SMPDL3A: variants seen among roughly 807,000 people sequenced by gnomAD.
SMPDL3A encodes the protein cyclic GMP-AMP phosphodiesterase SMPDL3A.
Under a neutral mutation model 38.5 loss-of-function variants are expected in SMPDL3A, and 39 were observed. The observed-to-expected ratio is 1.01, with a 90% CI of 0.78 to 1.32. SMPDL3A has a LOEUF of 1.32. Among genes scored for constraint, SMPDL3A ranks in the 40% most tolerant of loss-of-function variants. SMPDL3A has a pLI of 0.00. For missense variants in SMPDL3A, 502 were observed against 536.2 expected (o/e 0.94, Z 0.63); for synonymous variants, 180 against 194.3 (o/e 0.93, Z 0.61).
chr6:122,793,033 G>T (rs933023346), intron 1 of SMPDL3A, among the ~76,000 whole-genome samples: 7 of 152,154 alleles, frequency 4.6e-5, no homozygotes, highest in Non-Finnish European at 8.8e-5. Context: ...TAGATCTGTT[G>T]CAGATGATGC....
chr6:122,789,295 C>G lies in SMPDL3A; in HGVS notation c.-52C>G, dbSNP rs994301075. 7.6e-7 allele frequency: 1 copy of G among 1,324,072 alleles called. No individual in the cohort carries two copies. Among genetic ancestry groups the G allele is most frequent in the Non-Finnish European group, 1.0e-6 (1 of 962,356 alleles). The allele number at this position is 1,324,072 out of a possible 1,614,324, so 82.0% of individuals were successfully genotyped here. ...CGCCTCACCCTCAGGCCTGACGGTC[C>G]GAGTGGAGCTGCGGGACAGCCCGAA... On this transcript the variant is annotated 5_prime_UTR_variant, in exon 1 of 8. Coordinates refer to ENST00000368440, the MANE Select transcript of SMPDL3A (RefSeq NM_006714.5).
In SMPDL3A at chr6:122,789,276, AC is replaced by A; in HGVS notation, c.-68del. On this transcript the variant is annotated 5_prime_UTR_variant, in exon 1 of 8. Coordinates refer to ENST00000368440, the MANE Select transcript of SMPDL3A (RefSeq NM_006714.5). ...CGCAGCCGTCTTCTGTCTCCGCCTC[AC>A]CCTCAGGCCTGACGGTCCGAGTGGA... The A allele has an allele frequency of 9.1e-7, 1 of 1,097,308 alleles. No individual in the cohort carries two copies. Among genetic ancestry groups the A allele is most frequent in the African/African-American group, 1.6e-5 (1 of 62,264 alleles). The allele number at this position is 1,097,308 out of a possible 1,614,324, so 68.0% of individuals were successfully genotyped here. A position where few individuals can be genotyped will look rare whatever the true frequency, so the allele number is the denominator to read the frequency against.
At chr6:122,794,355 T>C (rs1355035304) in intron 1 of SMPDL3A, among the ~76,000 whole-genome samples, 1 of 152,082 alleles carries the variant, frequency 6.6e-6, no homozygotes, top group Non-Finnish European at 1.5e-5. Context: ...CCCAGCACTT[T>C]AGGAGGCTGG....
intron 4 of SMPDL3A, among the ~76,000 whole-genome samples, chr6:122,803,121 A>G (rs1781479447): frequency 6.8e-6 from 1 of 146,106 alleles, no homozygotes; most frequent in South Asian, 2.4e-4. Flanking sequence ...TGAAAGTGCC[A>G]TTGCAACAGA....
chr6:122,798,344 A>G (rs1273603839), intron 3 of SMPDL3A, among the ~76,000 whole-genome samples: 2 of 152,194 alleles, frequency 1.3e-5, no homozygotes, highest in Admixed American at 1.3e-4. Context: ...CCAAGGTCAC[A>G]CACATTGTGT....
intron 1 of SMPDL3A, among the ~76,000 whole-genome samples, chr6:122,790,594 C>T (rs1260116744): frequency 6.6e-6 from 1 of 152,158 alleles, no homozygotes; most frequent in South Asian, 2.1e-4. Flanking sequence ...CTTTGAAGGC[C>T]AAGTCCTCAC....
At chr6:122,806,109 A>G (rs1372063518) in intron 6 of SMPDL3A, 124 bp from the exon 7 acceptor site, 1 of 756,344 alleles carries the variant, frequency 1.3e-6, no homozygotes, top group Non-Finnish European at 2.0e-6. Context: ...TCAAGTCAGT[A>G]TCCATTAGTG....
chr6:122,806,301 A>G lies in SMPDL3A; in HGVS notation c.988A>G (p.Thr330Ala), dbSNP rs1415726012. ...AGTGAAGAGTGTTTTAGAAAAACAG[A>G]CCAACAATCCTGGTATCAGACTGTT... ...TPVKSVLEKQ[T>A]NNPGIRLFQY... The change falls in exon 7 of 8, where the codon ACC (threonine) becomes GCC (alanine). Residue 330 changes from threonine to alanine, a missense_variant. Thr to Ala is a moderately conservative substitution (Grantham distance 58). Transcript: ENST00000368440. 6.2e-7 allele frequency: 1 copy of G among 1,613,480 alleles called. No homozygotes were observed. Among genetic ancestry groups the G allele is most frequent in the Admixed American group, 1.7e-5 (1 of 60,016 alleles).
intron 7 of SMPDL3A, among the ~76,000 whole-genome samples, chr6:122,807,554 C>A (rs1464508655): frequency 1.3e-5 from 2 of 152,190 alleles, no homozygotes; most frequent in Admixed American, 6.5e-5. Context: ...GACAAAAGTT[C>A]TTTGGAGCAG....
chr6:122,794,583 T>C lies in SMPDL3A; in HGVS notation c.113-1094T>C, dbSNP rs138024100. Among the ~76,000 whole-genome samples the C allele has an allele frequency of 1.1e-3, 168 of 152,068 alleles. 1 individual carries two copies. Among genetic ancestry groups the C allele is most frequent in the African/African-American group, 3.9e-3 (162 of 41,486 alleles). On this transcript the variant is annotated intron_variant, in intron 1 of 7. Coordinates refer to ENST00000368440, the MANE Select transcript of SMPDL3A (RefSeq NM_006714.5). The stretch of plus-strand genomic sequence containing the variant: ...TTGCACTCCAGCACTGGAGACAGTG[T>C]GAGACTCCATCTCAAAAAAAACACA...
chr6:122,797,751 TC>T (rs1781298710), intron 3 of SMPDL3A, among the ~76,000 whole-genome samples: 1 of 152,242 alleles, frequency 6.6e-6, no homozygotes, highest in African/African-American at 2.4e-5. Flanking sequence ...ATGTTTCCAT[TC>T]ATTCTACATT....
intron 4 of SMPDL3A, 56 bp from the exon 5 acceptor site, chr6:122,803,608 A>C: frequency 7.2e-7 from 1 of 1,384,320 alleles, no homozygotes; most frequent in Non-Finnish European, 1.0e-6. Context: ...TTGCTTTCAC[A>C]ATGTTTGTGT....
At chr6:122,799,751 G>A (rs887924959) in intron 3 of SMPDL3A, among the ~76,000 whole-genome samples, 7 of 152,154 alleles carry the variant, frequency 4.6e-5, no homozygotes, top group South Asian at 4.2e-4. Context: ...TGTATTAGAC[G>A]CATGTATCAA....
intron 4 of SMPDL3A, among the ~76,000 whole-genome samples, chr6:122,802,482 A>G (rs955156332): frequency 4.6e-5 from 7 of 152,224 alleles, no homozygotes; most frequent in Admixed American, 3.9e-4. Flanking sequence ...GATTACAGGC[A>G]TGAGCCACCG....
chr6:122,804,852 G>T, intron 5 of SMPDL3A, 57 bp from the exon 6 acceptor site: 1 of 1,458,180 alleles, frequency 6.9e-7, no homozygotes, highest in South Asian at 1.3e-5. Flanking sequence ...ATGTCATTTA[G>T]TTATGATGAA....
intron 7 of SMPDL3A, among the ~76,000 whole-genome samples, chr6:122,808,605 C>T (rs36022121): frequency 0.22 from 14,149 of 63,794 alleles, 1,143 homozygotes; most frequent in Non-Finnish European, 0.3. Flanking sequence ...CTCCCTCCCT[C>T]CCTCCCTTCC....
chr6:122,792,023 C>A (rs2115158655), intron 1 of SMPDL3A, among the ~76,000 whole-genome samples: 1 of 152,304 alleles, frequency 6.6e-6, no homozygotes, highest in Non-Finnish European at 1.5e-5. Flanking sequence ...GTCTGCAGAA[C>A]AGGAAAACGT....
At chr6:122,794,848 G>A (rs569112739) in intron 1 of SMPDL3A, among the ~76,000 whole-genome samples, 1 of 152,280 alleles carries the variant, frequency 6.6e-6, no homozygotes, top group Admixed American at 6.5e-5. Context: ...TTGAATTAAT[G>A]TTGAGAGGCA....
At chr6:122,800,533 C>T (rs1323445995) in intron 3 of SMPDL3A, among the ~76,000 whole-genome samples, 1 of 152,230 alleles carries the variant, frequency 6.6e-6, no homozygotes, top group Non-Finnish European at 1.5e-5. Flanking sequence ...CATATCCTAG[C>T]CATGCTAAAA....
Sources: allele counts gnomAD v4.1 joint callset (sites outside exome capture counted in the v4.1 genomes callset), GRCh38; gene constraint gnomAD v4.1.1; transcripts MANE v1.5; gene names NCBI Gene and HGNC (gene_info 2026-07-23, HGNC 2026-07-21).